CDH18: variants seen among roughly 807,000 people sequenced by gnomAD.
CDH18 encodes cadherin 18.
In CDH18, 31 loss-of-function variants were observed where a neutral mutation model predicts 67.9. That is an observed-to-expected ratio of 0.46 (90% CI 0.34 to 0.62). The LOEUF is 0.62. Ranked by LOEUF, CDH18 falls within the 20% of genes least tolerant of loss-of-function variation. CDH18 has a pLI of 0.01. For missense variants in CDH18, 890 were observed against 975.5 expected, an observed-to-expected ratio of 0.91 and a Z score of 1.17; for synonymous variants, 362 against 347.2, an observed-to-expected ratio of 1.04 and a Z score of -0.48.
In CDH18 at chr5:20,078,614, T is replaced by C. The variant is rs1381191543; in HGVS notation, c.-517-86600A>G. Reference sequence around the variant, plus strand: ...TTTTGGTATAATTTTATTTATTTATTTATTGAGACAGAGTCTCACCCTGTC... The same window carrying C: ...TTTTGGTATAATTTTATTTATTTATCTATTGAGACAGAGTCTCACCCTGTC... On this transcript the variant is annotated intron_variant, in intron 2 of 14. Coordinates refer to the CDH18 transcript ENST00000507958. Among the ~76,000 whole-genome samples the C allele has an allele frequency of 2.0e-5, 3 of 152,006 alleles. 1 individual carries two copies. The East Asian group carries it at 5.8e-4, about 29-fold the overall frequency.
intron 5 of CDH18, among the ~76,000 whole-genome samples, chr5:19,630,547 T>G (rs982733580): frequency 6.6e-6 from 1 of 152,096 alleles, no homozygotes; most frequent in Admixed American, 6.6e-5. Flanking sequence ...TGGTCCATGA[T>G]ACTAGAGTTT....
intron 4 of CDH18, among the ~76,000 whole-genome samples, chr5:19,722,370 T>C (rs1361179322): frequency 6.6e-6 from 1 of 151,858 alleles, no homozygotes; most frequent in African/African-American, 2.4e-5. Flanking sequence ...TCTACTAAGT[T>C]CAAATCTCAT....
intron 4 of CDH18, among the ~76,000 whole-genome samples, chr5:19,739,325 T>C (rs1050245454): frequency 6.6e-6 from 1 of 152,216 alleles, no homozygotes; most frequent in South Asian, 2.1e-4. Context: ...CTTGAACTAC[T>C]GCCCTAAGAA....
intron 2 of CDH18, among the ~76,000 whole-genome samples, chr5:20,140,165 G>C (rs570727503): frequency 3.9e-5 from 6 of 152,250 alleles, no homozygotes; most frequent in Admixed American, 1.3e-4. Context: ...CATGTCCTTT[G>C]TAGGCACATG....
At chr5:20,487,602 A>G (rs1244997637) in intron 1 of CDH18, among the ~76,000 whole-genome samples, 1 of 151,300 alleles carries the variant, frequency 6.6e-6, no homozygotes, top group Admixed American at 6.6e-5. Flanking sequence ...GCTATATCTT[A>G]AATATCACTA....
chr5:20,070,086 A>G (rs1743342586), intron 2 of CDH18, among the ~76,000 whole-genome samples: 1 of 152,072 alleles, frequency 6.6e-6, no homozygotes, highest in Admixed American at 6.6e-5. Flanking sequence ...TTGTTCCTCA[A>G]CTAGTGGCAA....
intron 5 of CDH18, among the ~76,000 whole-genome samples, chr5:19,720,509 A>C (rs1765945920): frequency 6.6e-6 from 1 of 152,186 alleles, no homozygotes; most frequent in South Asian, 2.1e-4. Context: ...AGTTTTACTT[A>C]ACCAAATTTT....
intron 2 of CDH18, among the ~76,000 whole-genome samples, chr5:20,086,504 A>G (rs1197641752): frequency 6.6e-6 from 1 of 152,186 alleles, no homozygotes; most frequent in East Asian, 1.9e-4. Flanking sequence ...TCATAGCTAG[A>G]GAAAAGTCAA....
intron 2 of CDH18, among the ~76,000 whole-genome samples, chr5:20,154,648 C>T (rs1561835362): frequency 6.6e-6 from 1 of 152,142 alleles, no homozygotes; most frequent in African/African-American, 2.4e-5. Flanking sequence ...ATGATTATTG[C>T]AGCAACCTCC....
chr5:20,476,408 G>C (rs1752447138), intron 1 of CDH18, among the ~76,000 whole-genome samples: 1 of 151,346 alleles, frequency 6.6e-6, no homozygotes, highest in Admixed American at 6.6e-5. Flanking sequence ...AATTTGATGA[G>C]TCAGATCTTG....
At chr5:20,535,331 G>A (rs1756650764) in intron 1 of CDH18, among the ~76,000 whole-genome samples, 1 of 152,068 alleles carries the variant, frequency 6.6e-6, no homozygotes, top group African/African-American at 2.4e-5. Flanking sequence ...TGGCAGATCA[G>A]ATCGAGACCC....
chr5:19,857,549 T>C (rs1784442560), intron 2 of CDH18, among the ~76,000 whole-genome samples: 1 of 152,164 alleles, frequency 6.6e-6, no homozygotes, highest in African/African-American at 2.4e-5. Flanking sequence ...ATATATGTCT[T>C]GCTTGGTAGA....
rs4002088 is a variant in CDH18 at position 20,194,085 on chromosome 5, A to G, written c.-518+61359T>C. 8.6e-3 allele frequency among the ~76,000 whole-genome samples: 1,308 copies of G among 152,056 alleles called. 21 individuals carry two copies. Among genetic ancestry groups the G allele is most frequent in the African/African-American group, 0.029 (1,198 of 41,536 alleles). The stretch of plus-strand genomic sequence containing the variant: ...CTCACCACTACTATTCAACTTTTCA[A>G]TCCTATTCATAGTATTGGAAGTTCT... On this transcript the variant is annotated intron_variant, in intron 2 of 14. Transcript: ENST00000507958.
At chr5:20,316,193 T>C (rs1418797306) in intron 1 of CDH18, among the ~76,000 whole-genome samples, 1 of 152,126 alleles carries the variant, frequency 6.6e-6, no homozygotes, top group Non-Finnish European at 1.5e-5. Flanking sequence ...TTTATTCATT[T>C]TGAAAATTGT....
intron 2 of CDH18, among the ~76,000 whole-genome samples, chr5:19,884,162 G>A (rs1787953201): frequency 6.6e-6 from 1 of 152,062 alleles, no homozygotes; most frequent in African/African-American, 2.4e-5. Context: ...TACAGCTACA[G>A]TTAGAGCCCC....
chr5:19,490,273 T>C (rs941583124), intron 11 of CDH18, among the ~76,000 whole-genome samples: 23 of 151,896 alleles, frequency 1.5e-4, no homozygotes, highest in Non-Finnish European at 2.9e-4. Context: ...CATGTGGTTC[T>C]TAGTAAGGAA....
chr5:19,852,754 C>T (rs1193533991), intron 2 of CDH18, among the ~76,000 whole-genome samples: 2 of 152,020 alleles, frequency 1.3e-5, no homozygotes, highest in Non-Finnish European at 2.9e-5. Flanking sequence ...CATACTCTAC[C>T]TACACATCCT....
At chr5:19,908,089 C>T (rs975910699) in intron 2 of CDH18, among the ~76,000 whole-genome samples, 7 of 152,076 alleles carry the variant, frequency 4.6e-5, no homozygotes, top group Non-Finnish European at 8.8e-5. Context: ...TTGTATTCTT[C>T]TTGCTAAGGA....
intron 2 of CDH18, among the ~76,000 whole-genome samples, chr5:20,246,862 A>G (rs1743418650): frequency 6.6e-6 from 1 of 152,204 alleles, no homozygotes; most frequent in African/African-American, 2.4e-5. Flanking sequence ...TTGGCATCTC[A>G]TATTTTTATG....
Sources: gnomAD v4.1 joint callset for allele counts (sites outside exome capture counted in the v4.1 genomes callset) on GRCh38, gnomAD v4.1.1 for gene constraint, MANE v1.5 for transcripts, NCBI Gene and HGNC (gene_info 2026-07-23, HGNC 2026-07-21) for gene names.